PTN: variants seen among roughly 807,000 people sequenced by gnomAD.
PTN encodes the protein heparin affin regulatory protein.
A neutral mutation model predicts 24.1 loss-of-function variants in PTN; 18 were observed. The ratio of observed to expected loss-of-function variants is 0.75; its 90% CI spans 0.52 to 1.11. PTN has a LOEUF of 1.11. Ranked by LOEUF, PTN falls within the 50% of genes least tolerant of loss-of-function variation. PTN has a pLI of 0.00. For missense variants in PTN, 163 were observed against 198.8 expected, an observed-to-expected ratio of 0.82 and a Z score of 1.08; for synonymous variants, 78 against 68.6, an observed-to-expected ratio of 1.14 and a Z score of -0.67.
intron 4 of PTN, among the ~76,000 whole-genome samples, chr7:137,250,768 G>A (rs190805488): frequency 1.4e-4 from 22 of 152,274 alleles, no homozygotes; most frequent in African/African-American, 3.4e-4. Flanking sequence ...AACAAATGCA[G>A]AACCCATTAA....
intron 1 of PTN, among the ~76,000 whole-genome samples, chr7:137,283,952 A>ATTTTTTTTTTTTTTTTTTTTTTTTTTTT (rs753374720): frequency 8.2e-5 from 4 of 48,922 alleles, no homozygotes; most frequent in Non-Finnish European, 1.3e-4. Flanking sequence ...TGAGCATCAG[A>ATTTTTTTTTTTTTTTTTTTTTTTTTTTT]TTTTTTTTTT....
chr7:137,249,757 A>G (rs1808790409), intron 4 of PTN, among the ~76,000 whole-genome samples: 1 of 152,188 alleles, frequency 6.6e-6, no homozygotes, highest in African/African-American at 2.4e-5. Context: ...CACTGCAGTC[A>G]CTCCAGCCCT....
rs1306617117 is a variant in PTN, at chr7:137,256,106, CTG to C, written c.-1-1134_-1-1133del. 5.3e-5 allele frequency among the ~76,000 whole-genome samples: 8 copies of C among 152,294 alleles called. No homozygotes were observed. The South Asian group carries it at 8.3e-4, about 16-fold the overall frequency. On this transcript the variant is annotated intron_variant, in intron 1 of 4. Coordinates refer to ENST00000348225, the MANE Select transcript of PTN (RefSeq NM_002825.7). ...ATTTATTTTCCTCATTGAAAAATAT[CTG>C]AGATGATATCCTTGCCCGTGAATTT...
At chr7:137,263,722 G>A (rs929363661) in intron 1 of PTN, among the ~76,000 whole-genome samples, 3 of 152,106 alleles carry the variant, frequency 2.0e-5, no homozygotes, top group African/African-American at 7.2e-5. Flanking sequence ...AAGCCCAGGA[G>A]TTTGCCTCTT....
intron 1 of PTN, among the ~76,000 whole-genome samples, chr7:137,320,832 T>C (rs1226290359): frequency 2.0e-5 from 3 of 152,218 alleles, no homozygotes; most frequent in South Asian, 2.1e-4. Flanking sequence ...CTGCAGTTCA[T>C]TGTCAACCTG....
intron 1 of PTN, among the ~76,000 whole-genome samples, chr7:137,311,307 TTG>T (rs1489734517): frequency 6.6e-6 from 1 of 152,098 alleles, no homozygotes. Context: ...AAAAAAAATG[TTG>T]TGATTGGTTT....
intron 1 of PTN, among the ~76,000 whole-genome samples, chr7:137,269,869 G>T (rs1809245137): frequency 1.3e-5 from 2 of 152,040 alleles, no homozygotes; most frequent in Non-Finnish European, 2.9e-5. Context: ...CTGACCTCGT[G>T]AGCCTCCCAC....
chr7:137,231,788 TGAA>T (rs369633439), intron 4 of PTN, among the ~76,000 whole-genome samples: 178 of 152,076 alleles, frequency 1.2e-3, no homozygotes, highest in African/African-American at 4.2e-3. Flanking sequence ...AAATATTTTA[TGAA>T]GAAGAAAACT....
chr7:137,331,419 A>C (rs1810356295), intron 1 of PTN, among the ~76,000 whole-genome samples: 1 of 152,174 alleles, frequency 6.6e-6, no homozygotes, highest in African/African-American at 2.4e-5. Flanking sequence ...TTCAGGCCAA[A>C]GTTGGTGGGA....
At chr7:137,305,218 T>A (rs982937212) in intron 1 of PTN, among the ~76,000 whole-genome samples, 8 of 152,096 alleles carry the variant, frequency 5.3e-5, no homozygotes, top group African/African-American at 1.9e-4. Flanking sequence ...TCAATAATTC[T>A]ATAGCATTCA....
At chr7:137,241,443 A>G (rs1275744650) in intron 4 of PTN, among the ~76,000 whole-genome samples, 1 of 152,220 alleles carries the variant, frequency 6.6e-6, no homozygotes, top group Non-Finnish European at 1.5e-5. Flanking sequence ...CTTTTGTTGT[A>G]ATCACCATAA....
intron 1 of PTN, among the ~76,000 whole-genome samples, chr7:137,318,049 T>C (rs1022040952): frequency 5.3e-5 from 8 of 152,270 alleles, no homozygotes; most frequent in African/African-American, 1.9e-4. Context: ...GGTGGATCAC[T>C]TGAAGCCAGG....
At chr7:137,302,688 A>G (rs1423793892) in intron 1 of PTN, among the ~76,000 whole-genome samples, 3 of 152,000 alleles carry the variant, frequency 2.0e-5, no homozygotes, top group Admixed American at 1.3e-4. Flanking sequence ...TGTTAAGAAC[A>G]ATGTAATAGT....
At chr7:137,266,868 CTTTTTTTTTTT>C (rs57274644) in intron 1 of PTN, among the ~76,000 whole-genome samples, 1 of 98,742 alleles carries the variant, frequency 1.0e-5, no homozygotes, top group South Asian at 4.2e-4. Context: ...TATAGATGGC[CTTTTTTTTTTT>C]TTTTTTTTTT....
At chr7:137,329,095 T>A (rs1170914262) in intron 1 of PTN, among the ~76,000 whole-genome samples, 3 of 152,176 alleles carry the variant, frequency 2.0e-5, no homozygotes, top group African/African-American at 7.2e-5. Context: ...ACTTCTGAGA[T>A]ACATTTCCCT....
chr7:137,270,479 A>C (rs1809255380), intron 1 of PTN, among the ~76,000 whole-genome samples: 1 of 152,208 alleles, frequency 6.6e-6, no homozygotes, highest in Admixed American at 6.5e-5. Flanking sequence ...TTAGTTAACA[A>C]ATTTATTTAT....
chr7:137,247,399 G>C (rs540272045), intron 4 of PTN, among the ~76,000 whole-genome samples: 2 of 152,186 alleles, frequency 1.3e-5, no homozygotes, highest in Non-Finnish European at 2.9e-5. Context: ...ATTAGGTTAA[G>C]TAAAATAAGA....
intron 1 of PTN, among the ~76,000 whole-genome samples, chr7:137,285,836 A>G (rs1374658805): frequency 6.6e-6 from 1 of 152,270 alleles, no homozygotes; most frequent in African/African-American, 2.4e-5. Flanking sequence ...GCCTAGGCAC[A>G]TGGCAAATGG....
chr7:137,250,976 T>C (rs1808815664), intron 4 of PTN, among the ~76,000 whole-genome samples: 1 of 152,158 alleles, frequency 6.6e-6, no homozygotes, highest in African/African-American at 2.4e-5. Context: ...GCTGGTTTCT[T>C]TTGCTATGTT....
Sources: gnomAD v4.1 joint callset for allele counts (sites outside exome capture counted in the v4.1 genomes callset) on GRCh38, gnomAD v4.1.1 for gene constraint, MANE v1.5 for transcripts, NCBI Gene and HGNC (gene_info 2026-07-23, HGNC 2026-07-21) for gene names.